The following LAMC2 variants were observed in gnomAD, a reference collection of about 807,000 sequenced individuals.
LAMC2 encodes the protein laminin subunit gamma 2.
LAMC2 carries 97 observed loss-of-function variants against 140.2 expected under a neutral mutation model. The ratio of observed to expected loss-of-function variants is 0.69; its 90% CI spans 0.59 to 0.82. The LOEUF (loss-of-function observed/expected upper bound fraction) is 0.82, where lower values mean the gene tolerates loss of function less well. LAMC2 is among the 40% of genes least tolerant of loss of function. LAMC2 has a pLI of 0.00. For synonymous variants in LAMC2, 513 were observed against 540.2 expected (o/e 0.95, Z 0.70); for missense variants, 1,402 against 1,476.1 (o/e 0.95, Z 0.82).
In LAMC2 at chr1:183,233,162, G is replaced by GATTTACTTTAGTTCAT. The variant is rs1659850158; in HGVS notation, c.2220+315_2220+330dup. ...TAGCTTGTTAGCTCCCAGAGGGCAG[G>GATTTACTTTAGTTCAT]ATTTACTTTAGTTCATATTTACTTT... On this transcript the variant is annotated intron_variant, in intron 14 of 22. Coordinates refer to ENST00000264144, the MANE Select transcript of LAMC2 (RefSeq NM_005562.3). Among the ~76,000 whole-genome samples, 6 of 152,130 alleles carry GATTTACTTTAGTTCAT rather than the reference G, an allele frequency of 3.9e-5. 1 individual carries two copies. In the South Asian group the frequency reaches 1.2e-3, roughly 31 times the overall value.
chr1:183,249,754 G>A (rs200061246), downstream of LAMC2: 1 of 151,536 alleles, frequency 6.6e-6, no homozygotes, highest in African/African-American at 2.5e-5. Context: ...GGGGTGCGGC[G>A]ATGGGAATGG....
At position 183,243,672 on chromosome 1, in the gene LAMC2, G is replaced by C; in HGVS notation, c.*272G>C. ...CCCCAAAGAATAGACTGGATGGAAA[G>C]ACAAACTGCACAGGCAGATGTTTGC... On this transcript the variant is annotated 3_prime_UTR_variant, in exon 23 of 23. Transcript: ENST00000264144. The C allele has an allele frequency of 2.0e-6, 1 of 510,790 alleles. No individual in the cohort carries two copies. Among genetic ancestry groups the C allele is most frequent in the South Asian group, 2.1e-5 (1 of 46,938 alleles). 31.6% of individuals were successfully genotyped at this position (510,790 alleles called of 1,614,324 possible).
chr1:183,219,880 TC>T (rs907188948), intron 4 of LAMC2, among the ~76,000 whole-genome samples: 129 of 152,328 alleles, frequency 8.5e-4, no homozygotes, highest in African/African-American at 2.6e-3. Context: ...TGAATTTCAA[TC>T]TTGCCTCAGC....
chr1:183,242,839 CT>C (rs10712142), intron 22 of LAMC2, among the ~76,000 whole-genome samples: 28,680 of 144,294 alleles, frequency 0.2, 3,057 homozygotes, highest in African/African-American at 0.29. Context: ...CTTCAGTCCT[CT>C]TTTTTTTTTT....
At chr1:183,186,518 G>A (rs1658156919) in intron 1 of LAMC2, 87 bp downstream of exon 1, 2 of 1,440,962 alleles carry the variant, frequency 1.4e-6, no homozygotes, top group Non-Finnish European at 1.9e-6. Context: ...ACGTACCTCC[G>A]AGGATTCCCA....
At chr1:183,253,313 A>G in the LAMC2 span, among the ~76,000 whole-genome samples, 1 of 147,928 alleles carries the variant, frequency 6.8e-6, no homozygotes, top group African/African-American at 2.5e-5. Context: ...ATTATATTAT[A>G]TTATTTATAT....
chr1:183,231,108 G>A lies in LAMC2; in HGVS notation c.1857+5G>A. On this transcript the variant is annotated splice_donor_5th_base_variant and intron_variant, in intron 12 of 22. Coordinates refer to ENST00000264144, the MANE Select transcript of LAMC2 (RefSeq NM_005562.3). ...TATAATCAAGTGAAGATTCAGGTAT[G>A]CATTCTTCCCCTTACCACCCCCAAC... is the stretch of plus-strand genomic sequence containing the variant. 6.2e-7 allele frequency: 1 copy of A among 1,614,072 alleles called. No individual in the cohort carries two copies. The highest frequency in any genetic ancestry group is 8.5e-7 in the Non-Finnish European group (1 of 1,179,984).
chr1:183,212,140 A>C (rs1218097636), intron 2 of LAMC2, among the ~76,000 whole-genome samples: 2 of 152,190 alleles, frequency 1.3e-5, no homozygotes, highest in Non-Finnish European at 2.9e-5. Flanking sequence ...ATTTCTGAAA[A>C]ACTACTGCAG....
chr1:183,246,087 G>A (rs1018449949), downstream of LAMC2, among the ~76,000 whole-genome samples: 1 of 151,096 alleles, frequency 6.6e-6, no homozygotes. Flanking sequence ...GGAGAATGGC[G>A]TGAACCTGGG....
chr1:183,240,412 C>T, intron 22 of LAMC2, 21 bp downstream of exon 22: 1 of 1,613,986 alleles, frequency 6.2e-7, no homozygotes, highest in South Asian at 1.1e-5. Context: ...CCACAACCCA[C>T]AACCTTCCAG....
chr1:183,205,990 A>G (rs1316696266), intron 1 of LAMC2, among the ~76,000 whole-genome samples: 1 of 152,202 alleles, frequency 6.6e-6, no homozygotes, highest in Non-Finnish European at 1.5e-5. Context: ...TTAGGGATTT[A>G]TAAAAAGAAT....
In LAMC2 at chr1:183,228,828, T is replaced by C. The variant is rs1184530909; in HGVS notation, c.1714+209T>C. On this transcript the variant is annotated intron_variant, in intron 11 of 22. Transcript: ENST00000264144. The surrounding 1 kb of genome is among the most constrained non-coding windows in gnomAD (Gnocchi z 4.3). The stretch of plus-strand genomic sequence containing the variant: ...GTAGCCAGGCTCTGGAAGACAGAGC[T>C]GGGTTAAAGCTGGGTGGGAGAAGTG... 6.6e-6 allele frequency among the ~76,000 whole-genome samples: 1 copy of C among 152,150 alleles called. No individual in the cohort carries two copies. The highest frequency in any genetic ancestry group is 2.4e-5 in the African/African-American group (1 of 41,434).
intron 17 of LAMC2, among the ~76,000 whole-genome samples, 165 bp from the exon 18 acceptor site, chr1:183,237,187 C>G (rs1025949684): frequency 6.6e-6 from 1 of 152,210 alleles, no homozygotes; most frequent in Non-Finnish European, 1.5e-5. Flanking sequence ...TTTCATTGGG[C>G]ATACTGACTC....
downstream of LAMC2, among the ~76,000 whole-genome samples, chr1:183,247,493 G>A (rs1340805729): frequency 6.0e-5 from 9 of 148,972 alleles, no homozygotes; most frequent in East Asian, 2.0e-4. Context: ...AAACCCACAC[G>A]GATGTACACA....
At chr1:183,210,480 G>A (rs1659037075) in intron 2 of LAMC2, among the ~76,000 whole-genome samples, 1 of 152,186 alleles carries the variant, frequency 6.6e-6, no homozygotes, top group South Asian at 2.1e-4. Context: ...GGGAAACTGA[G>A]ACCTAGAAAA....
In LAMC2 at chr1:183,243,302, A is replaced by C. The variant is rs763936567; in HGVS notation, c.3484A>C (p.Ser1162Arg). ...QRGHLHLLET[S>R]IDGILADVKN... ...GGGCCACCTCCATTTGCTGGAGACA[A>C]GCATAGATGGGATTCTGGCTGATGT... The change falls in exon 23 of 23, where the codon AGC (serine) becomes CGC (arginine). Residue 1162 changes from serine to arginine, a missense_variant. By Grantham distance (110) the Ser-to-Arg change is moderately radical. Transcript: ENST00000264144. 1.2e-6 allele frequency: 2 copies of C among 1,614,208 alleles called. No individual in the cohort carries two copies. Among genetic ancestry groups the C allele is most frequent in the Admixed American group, 3.3e-5 (2 of 60,022 alleles).
At chr1:183,223,687 A>G (rs1393520176) in intron 7 of LAMC2, among the ~76,000 whole-genome samples, 1 of 152,210 alleles carries the variant, frequency 6.6e-6, no homozygotes, top group Non-Finnish European at 1.5e-5. Context: ...CTAAGGAAAG[A>G]GAAGGGAGGA....
At chr1:183,200,787 G>C (rs1658682715) in intron 1 of LAMC2, among the ~76,000 whole-genome samples, 2 of 152,120 alleles carry the variant, frequency 1.3e-5, no homozygotes, top group Non-Finnish European at 2.9e-5. Context: ...CTCTGGGTGA[G>C]TGTGGGTGGT....
rs150027903 is a variant in LAMC2 at position 183,206,585 on chromosome 1, C to T, written c.80-1296C>T. Among the ~76,000 whole-genome samples, 677 of 148,812 alleles carry T rather than the reference C, an allele frequency of 4.5e-3. 6 individuals are homozygous for T. The highest frequency in any genetic ancestry group is 0.016 in the African/African-American group (655 of 40,296). Reference sequence around the variant, plus strand: ...ACTTGAACCCAGGAGGCAGAGGTTTCAGTGAGCTGAGATCATGCCACTGCA... The same window carrying T: ...ACTTGAACCCAGGAGGCAGAGGTTTTAGTGAGCTGAGATCATGCCACTGCA... On this transcript the variant is annotated intron_variant, in intron 1 of 22. Coordinates refer to ENST00000264144, the MANE Select transcript of LAMC2 (RefSeq NM_005562.3).
Sources: allele counts gnomAD v4.1 joint callset (sites outside exome capture counted in the v4.1 genomes callset), GRCh38; gene constraint gnomAD v4.1.1; non-coding constraint Gnocchi (gnomAD v3.1); transcripts MANE v1.5; gene names NCBI Gene and HGNC (gene_info 2026-07-23, HGNC 2026-07-21).